The following USP42 variants were observed in gnomAD, a reference collection of about 807,000 sequenced individuals.
USP42 encodes ubiquitin carboxyl-terminal hydrolase 42.
In USP42, 23 loss-of-function variants were observed where a neutral mutation model predicts 113.0. The ratio of observed to expected loss-of-function variants is 0.20; its 90% confidence interval spans 0.15 to 0.29. USP42 has a LOEUF of 0.29. USP42 is among the 10% of genes least tolerant of loss of function. The probability of loss-of-function intolerance (pLI) is 1.00; values close to 1 mark genes in which losing one functional copy is unlikely to be tolerated. For synonymous variants in USP42, 933 were observed against 699.0 expected (o/e 1.33, Z -5.28); for missense variants, 2,174 against 1,779.8 (o/e 1.22, Z -3.99).
intron 14 of USP42, chr7:6,152,903 G>T (rs1782155666): frequency 1.0e-6 from 1 of 985,062 alleles, no homozygotes; most frequent in East Asian, 1.1e-4. Context: ...ATCAGAGAAA[G>T]GGAGTCGAGA....
At chr7:6,132,909 G>T (rs1202045793) in intron 3 of USP42, among the ~76,000 whole-genome samples, 1 of 152,184 alleles carries the variant, frequency 6.6e-6, no homozygotes, top group Non-Finnish European at 1.5e-5. Flanking sequence ...TCTACCTTGT[G>T]ATCTGCCCAT....
Position 6,126,157 on chromosome 7 carries a change from A to G in USP42, c.443-9684A>G, listed in dbSNP as rs528056889. On this transcript the variant is annotated intron_variant, in intron 3 of 17. Coordinates refer to ENST00000306177, the MANE Select transcript of USP42 (RefSeq NM_032172.3). ...ATTTCAACAGTGTTACGTGAATTAT[A>G]TAGTATGTAACCTTTTGGAATTGGC... Among the ~76,000 whole-genome samples the G allele has an allele frequency of 2.9e-4, 44 of 152,328 alleles. 1 individual carries two copies. In the South Asian group the frequency reaches 9.1e-3, roughly 32 times the overall value.
At chr7:6,138,617 G>T (rs564501197) in intron 4 of USP42, among the ~76,000 whole-genome samples, 1 of 152,308 alleles carries the variant, frequency 6.6e-6, no homozygotes, top group South Asian at 2.1e-4. Flanking sequence ...CCGTAGACTG[G>T]TACCCAATGT....
rs764767085 is a variant in USP42, at chr7:6,154,345, A to G, written c.2791A>G (p.Lys931Glu). The G allele has an allele frequency of 3.2e-6, 5 of 1,572,266 alleles. No homozygotes were observed. Among genetic ancestry groups the G allele is most frequent in the Non-Finnish European group, 3.4e-6 (4 of 1,160,198 alleles). ...GERVEDAAAP[K>E]APGPSPAKEK... The stretch of plus-strand genomic sequence containing the variant: ...GAGGGTCGAGGACGCCGCGGCGCCG[A>G]AAGCCCCAGGCCCTTCCCCAGCGAA... The change falls in exon 15 of 18, where the codon AAA becomes GAA. Residue 931 changes from lysine to glutamate, a missense_variant. Lys to Glu is a moderately conservative substitution (Grantham distance 56). Transcript: ENST00000306177.
chr7:6,150,378 G>A (rs201264431), intron 13 of USP42, 34 bp from the exon 14 acceptor site: 12 of 1,612,166 alleles, frequency 7.4e-6, no homozygotes, highest in South Asian at 5.5e-5. Flanking sequence ...TGGAGCTGGC[G>A]ACTGAAGCTG....
chr7:6,121,068 G>A (rs906014697), intron 3 of USP42, among the ~76,000 whole-genome samples: 3 of 151,154 alleles, frequency 2.0e-5, no homozygotes, highest in African/African-American at 2.4e-5. Flanking sequence ...TTTTATAGAC[G>A]CAACTATGTG....
intron 4 of USP42, among the ~76,000 whole-genome samples, 154 bp from the exon 5 acceptor site, chr7:6,138,938 C>T (rs1781302847): frequency 6.6e-6 from 1 of 152,152 alleles, no homozygotes. Flanking sequence ...CTGCTTATAG[C>T]TTATATTAGT....
chr7:6,086,440 C>T, the USP42 span, among the ~76,000 whole-genome samples: 5 of 150,690 alleles, frequency 3.3e-5, no homozygotes, highest in Non-Finnish European at 7.4e-5. Context: ...CTCCTGACAT[C>T]ATGATCCGCC....
intron 4 of USP42, among the ~76,000 whole-genome samples, chr7:6,136,860 T>C (rs1425493716): frequency 6.6e-6 from 1 of 151,832 alleles, no homozygotes. Context: ...CCCAGGCTAG[T>C]CTTGAACTCC....
chr7:6,101,397 T>C (rs1165910051), upstream of USP42, among the ~76,000 whole-genome samples: 2 of 151,128 alleles, frequency 1.3e-5, no homozygotes, highest in Non-Finnish European at 2.9e-5. Context: ...AGTTTGCGTC[T>C]TGCATAAAAA....
At chr7:6,100,995 C>A (rs1381911274), upstream of USP42, among the ~76,000 whole-genome samples, 1 of 150,858 alleles carries the variant, frequency 6.6e-6, no homozygotes, top group Non-Finnish European at 1.5e-5. Context: ...ACCAGGATAT[C>A]TAGAAGTGAG....
chr7:6,091,979 TTCTTC>T, the USP42 span, among the ~76,000 whole-genome samples: 1 of 21,646 alleles, frequency 4.6e-5, no homozygotes, highest in South Asian at 1.8e-3. Flanking sequence ...GACGTATTTT[TTCTTC>T]TTCTTCTTCT....
intron 1 of USP42, among the ~76,000 whole-genome samples, chr7:6,106,748 T>G (rs1234626615): frequency 6.6e-6 from 1 of 151,882 alleles, no homozygotes; most frequent in Admixed American, 6.6e-5. Context: ...TTTTTTTTCT[T>G]AAAGAGACAG....
intron 6 of USP42, 98 bp downstream of exon 6, chr7:6,140,293 G>C: frequency 1.7e-3 from 1,681 of 1,001,392 alleles, no homozygotes; most frequent in Non-Finnish European, 2.3e-3. Context: ...GGAAGGAAAA[G>C]TGCTTCTCTC....
the USP42 span, among the ~76,000 whole-genome samples, chr7:6,083,223 C>CTTATTTATTTAT: frequency 3.8e-5 from 5 of 130,792 alleles, no homozygotes; most frequent in African/African-American, 1.3e-4. Context: ...CCGCACCCAG[C>CTTATTTATTTAT]TTATTTATTT....
chr7:6,087,340 CTTTTTTTTTT>C, the USP42 span, among the ~76,000 whole-genome samples: 1 of 116,506 alleles, frequency 8.6e-6, no homozygotes, highest in East Asian at 2.6e-4. Context: ...CTAAGCGCTT[CTTTTTTTTTT>C]TTTTTTTTTT....
At chr7:6,118,150 T>C (rs1294203981) in intron 3 of USP42, among the ~76,000 whole-genome samples, 1 of 152,148 alleles carries the variant, frequency 6.6e-6, no homozygotes, top group Non-Finnish European at 1.5e-5. Context: ...TCCCAGCACT[T>C]TGGGAGAACG....
rs780931187 is a variant in USP42, at chr7:6,139,740, C to T, written c.657-388C>T. ...TGCCCTGGCACCGCCCTGTCTAGGA[C>T]TTCATTGTCCGGGTGATGACATACT... On this transcript the variant is annotated intron_variant, in intron 5 of 17. Coordinates refer to ENST00000306177, the MANE Select transcript of USP42 (RefSeq NM_032172.3). This position sits in a 1 kb window ranked among gnomAD's most constrained non-coding sequence, Gnocchi z 4.5. 1 of 315,364 alleles carries T rather than the reference C, an allele frequency of 3.2e-6. No individual in the cohort carries two copies. Among genetic ancestry groups the T allele is most frequent in the Non-Finnish European group, 6.0e-6 (1 of 165,696 alleles). 19.5% of individuals were successfully genotyped at this position (315,364 alleles called of 1,614,324 possible). A position where few individuals can be genotyped will look rare whatever the true frequency, so the allele number is the denominator to read the frequency against.
chr7:6,129,860 C>T (rs867120144), intron 3 of USP42, among the ~76,000 whole-genome samples: 12 of 73,130 alleles, frequency 1.6e-4, no homozygotes, highest in African/African-American at 5.5e-4. Flanking sequence ...GACTCTGTCT[C>T]AAAAAAAAAA....
Sources: allele counts gnomAD v4.1 joint callset (sites outside exome capture counted in the v4.1 genomes callset), GRCh38; gene constraint gnomAD v4.1.1; non-coding constraint Gnocchi (gnomAD v3.1); transcripts MANE v1.5; gene names NCBI Gene and HGNC (gene_info 2026-07-23, HGNC 2026-07-21).